Variants in SMC2 observed in about 807,000 individuals in gnomAD.
The protein encoded by SMC2 is structural maintenance of chromosomes protein 2.
A neutral mutation model predicts 142.6 loss-of-function variants in SMC2; 41 were observed. That is an observed-to-expected ratio of 0.29 (90% CI 0.22 to 0.37). The LOEUF (loss-of-function observed/expected upper bound fraction) is 0.37. SMC2 is among the 10% of genes least tolerant of loss of function. SMC2 has a pLI of 1.00. For synonymous variants in SMC2, 463 were observed against 457.5 expected (o/e 1.01, Z -0.15); for missense variants, 1,265 against 1,373.7 (o/e 0.92, Z 1.25).
chr9:104,126,586 T>G, intron 18 of SMC2, 55 bp from the exon 19 acceptor site: 1 of 1,325,434 alleles, frequency 7.5e-7, no homozygotes, highest in Non-Finnish European at 1.0e-6. Flanking sequence ...TGTACATATT[T>G]GTTTTTCAGT....
chr9:104,124,294 T>G (rs1489896280), intron 17 of SMC2, among the ~76,000 whole-genome samples: 2 of 151,962 alleles, frequency 1.3e-5, no homozygotes, highest in Non-Finnish European at 2.9e-5. Context: ...ATCATGTTGG[T>G]CAGGATGGTC....
chr9:104,136,569 A>G (rs774321367), intron 23 of SMC2, among the ~76,000 whole-genome samples: 8 of 152,088 alleles, frequency 5.3e-5, no homozygotes, highest in East Asian at 1.9e-4. Context: ...CCAACATGGT[A>G]GTTAAACCCT....
chr9:104,125,206 C>T, intron 18 of SMC2, 101 bp downstream of exon 18: 1 of 851,006 alleles, frequency 1.2e-6, no homozygotes. Context: ...GAATTGATCT[C>T]AGAATCTAAA....
Position 104,102,526 on chromosome 9 carries a change from G to C in SMC2, c.973G>C (p.Ala325Pro). Reference sequence around the variant, plus strand: ...ATTTGATCTCAAGAAGAAAAATCTGGCATGTGAGGAAAGCAAACGCAAAGA... The same window carrying C: ...ATTTGATCTCAAGAAGAAAAATCTGCCATGTGAGGAAAGCAAACGCAAAGA... ...SAFDLKKKNLACEESKRKELE... is the reference protein window; with the variant it reads ...SAFDLKKKNLPCEESKRKELE... The change falls in exon 9 of 25, where the codon GCA becomes CCA. Residue 325 changes from alanine to proline, a missense_variant. By Grantham distance (27) the Ala-to-Pro change is conservative. Coordinates refer to ENST00000374793, the MANE Select transcript of SMC2 (RefSeq NM_006444.3). 6.2e-7 allele frequency: 1 copy of C among 1,613,630 alleles called. No homozygotes were observed. The highest frequency in any genetic ancestry group is 1.7e-4 in the Middle Eastern group (1 of 6,056).
At chr9:104,119,180 A>G (rs1291918436) in intron 15 of SMC2, among the ~76,000 whole-genome samples, 1 of 152,210 alleles carries the variant, frequency 6.6e-6, no homozygotes, top group Non-Finnish European at 1.5e-5. Flanking sequence ...CCAGTACACA[A>G]TCAAATGACT....
At chr9:104,119,098 T>G (rs1011654335) in intron 15 of SMC2, among the ~76,000 whole-genome samples, 5 of 152,162 alleles carry the variant, frequency 3.3e-5, no homozygotes, top group Admixed American at 2.0e-4. Flanking sequence ...AGGTATCAAG[T>G]GACTTAATGT....
chr9:104,095,611 A>G, intron 2 of SMC2, 59 bp downstream of exon 2: 8 of 1,349,400 alleles, frequency 5.9e-6, no homozygotes, highest in Admixed American at 1.8e-5. Flanking sequence ...TCCTCACTGA[A>G]CTTTGGAGAC....
chr9:104,122,233 G>A (rs1047906802), intron 16 of SMC2, among the ~76,000 whole-genome samples: 4 of 152,124 alleles, frequency 2.6e-5, no homozygotes, highest in Non-Finnish European at 4.4e-5. Context: ...TGAATTCTTT[G>A]CTATTTGTGA....
intron 10 of SMC2, 85 bp downstream of exon 10, chr9:104,111,899 T>A (rs1587932807): frequency 1.0e-6 from 1 of 964,904 alleles, no homozygotes; most frequent in South Asian, 1.7e-5. Flanking sequence ...TGTTACATAA[T>A]GTTGAAAATA....
Position 104,097,262 on chromosome 9 carries a change from A to G in SMC2, c.318+965A>G, listed in dbSNP as rs540457956. Among the ~76,000 whole-genome samples, 741 of 146,378 alleles carry G rather than the reference A, an allele frequency of 5.1e-3. 2 individuals carry two copies. The highest frequency in any genetic ancestry group is 0.014 in the East Asian group (71 of 5,078). ...CAGGTGCCCACCACCACACCCGGCT[A>G]ATTTTTTTTTGTTTTTTGTATTTTT... On this transcript the variant is annotated intron_variant, in intron 3 of 24. Transcript: ENST00000374793.
chr9:104,125,568 A>G (rs151189652), intron 18 of SMC2, among the ~76,000 whole-genome samples: 55 of 151,430 alleles, frequency 3.6e-4, no homozygotes, highest in Non-Finnish European at 6.6e-4. Flanking sequence ...ACGGTTGGTA[A>G]ATGCTTCCTT....
At chr9:104,132,226 A>C (rs1200626573) in intron 22 of SMC2, 101 bp downstream of exon 22, 10 of 699,306 alleles carry the variant, frequency 1.4e-5, no homozygotes, top group Non-Finnish European at 2.5e-5. Flanking sequence ...TCTATGTTTG[A>C]ATGAGGCACA....
chr9:104,116,170 G>C, intron 13 of SMC2, 30 bp from the exon 14 acceptor site: 1 of 1,549,284 alleles, frequency 6.5e-7, no homozygotes, highest in Non-Finnish European at 8.7e-7. Context: ...TTTTTAACAT[G>C]CGTTTTTTAA....
intron 3 of SMC2, among the ~76,000 whole-genome samples, chr9:104,097,395 G>T (rs565046469): frequency 1.4e-5 from 2 of 139,304 alleles, no homozygotes; most frequent in Non-Finnish European, 3.1e-5. Flanking sequence ...TGTGAGCCAC[G>T]GCGCCTGGCC....
chr9:104,101,826 C>A (rs1046358148), intron 7 of SMC2, 134 bp from the exon 8 acceptor site: 2 of 568,934 alleles, frequency 3.5e-6, no homozygotes, highest in African/African-American at 3.8e-5. Context: ...AAGTTTCCTA[C>A]AATTTAAAAT....
chr9:104,104,050 G>A (rs1216955120), intron 9 of SMC2, among the ~76,000 whole-genome samples: 1 of 151,466 alleles, frequency 6.6e-6, no homozygotes, highest in Non-Finnish European at 1.5e-5. Flanking sequence ...CTTCTTTTCT[G>A]TATCCCCTTA....
chr9:104,132,570 TAG>T (rs1001203430), intron 22 of SMC2, among the ~76,000 whole-genome samples: 5 of 152,126 alleles, frequency 3.3e-5, no homozygotes, highest in African/African-American at 9.7e-5. Flanking sequence ...ATTCCAAACA[TAG>T]AGTTACTGTG....
rs2047171610 is a variant in SMC2 at position 104,113,564 on chromosome 9, G to A, written c.1414+89G>A. 3.8e-6 allele frequency: 4 copies of A among 1,043,926 alleles called. No individual in the cohort carries two copies. In the African/African-American group the frequency reaches 6.6e-5, roughly 17 times the overall value. 64.7% of individuals were successfully genotyped at this position (1,043,926 alleles called of 1,614,324 possible). ...TTTAAATAAAGAACGCAAGCAAGTA[G>A]GAAACATTTCTTAGCCTATTAACAA... On this transcript the variant is annotated intron_variant, in intron 11 of 24. Coordinates refer to ENST00000374793, the MANE Select transcript of SMC2 (RefSeq NM_006444.3).
intron 22 of SMC2, 46 bp downstream of exon 22, chr9:104,132,171 T>G (rs758656007): frequency 1.0e-6 from 1 of 979,976 alleles, no homozygotes; most frequent in South Asian, 1.4e-5. Flanking sequence ...GATGAAAAAA[T>G]ATCATCAGTG....
Sources: allele counts gnomAD v4.1 joint callset (sites outside exome capture counted in the v4.1 genomes callset), GRCh38; gene constraint gnomAD v4.1.1; transcripts MANE v1.5; gene names NCBI Gene and HGNC (gene_info 2026-07-23, HGNC 2026-07-21).